Variants in SPAG17 observed in about 807,000 individuals in gnomAD.
The protein encoded by SPAG17 is sperm associated antigen 17.
Under a neutral mutation model 273.6 loss-of-function variants are expected in SPAG17, and 169 were observed. The ratio of observed to expected loss-of-function variants is 0.62; its 90% CI spans 0.55 to 0.70. The LOEUF is 0.70. Among genes scored for constraint, SPAG17 ranks in the 30% least tolerant of loss-of-function variants. The pLI, the probability that SPAG17 is intolerant of heterozygous loss-of-function variation, is 0.00. For missense variants in SPAG17, 2,557 were observed against 2,627.8 expected (o/e 0.97, Z 0.59); for synonymous variants, 825 against 873.2 (o/e 0.94, Z 0.97).
chr1:118,045,768 C>G (rs750360226), intron 20 of SPAG17, among the ~76,000 whole-genome samples: 1 of 152,136 alleles, frequency 6.6e-6, no homozygotes, highest in Non-Finnish European at 1.5e-5. Context: ...GTGAGTTAAT[C>G]TACGAGGTCT....
chr1:118,111,000 A>G (rs1175114931), intron 4 of SPAG17, among the ~76,000 whole-genome samples: 1 of 152,216 alleles, frequency 6.6e-6, no homozygotes, highest in Non-Finnish European at 1.5e-5. Context: ...CAAACTCAGA[A>G]TAATACTCTG....
At chr1:118,063,928 T>C (rs1288092818) in intron 18 of SPAG17, among the ~76,000 whole-genome samples, 2 of 152,132 alleles carry the variant, frequency 1.3e-5, no homozygotes, top group East Asian at 3.9e-4. Context: ...GGGCGAAGGA[T>C]ATGAACAGAC....
At chr1:117,968,409 G>T (rs1320838688) in intron 46 of SPAG17, among the ~76,000 whole-genome samples, 3 of 152,146 alleles carry the variant, frequency 2.0e-5, no homozygotes, top group Non-Finnish European at 4.4e-5. Flanking sequence ...AGAAGGGCTT[G>T]TTTTGATTTT....
intron 25 of SPAG17, among the ~76,000 whole-genome samples, chr1:118,029,215 CAG>C (rs1283361871): frequency 1.3e-5 from 2 of 152,074 alleles, no homozygotes; most frequent in Non-Finnish European, 2.9e-5. Flanking sequence ...GCCTGAGTGA[CAG>C]AGCAAGAAGT....
At chr1:117,984,274 C>T (rs531911934) in intron 41 of SPAG17, among the ~76,000 whole-genome samples, 253 of 152,240 alleles carry the variant, frequency 1.7e-3, no homozygotes, top group African/African-American at 5.9e-3. Context: ...CCTGAGCTTC[C>T]AAGAACTCAC....
At chr1:118,062,685 A>T (rs966088711) in intron 18 of SPAG17, among the ~76,000 whole-genome samples, 2 of 152,130 alleles carry the variant, frequency 1.3e-5, no homozygotes, top group Admixed American at 6.5e-5. Context: ...TGGTTTTTTT[A>T]AAAATGTTTT....
rs376469108 is a variant in SPAG17, at chr1:118,101,748, C to T, written c.626G>A (p.Arg209His). The change falls in exon 5 of 49, where the codon CGT becomes CAT. Residue 209 changes from arginine (R) to histidine (H), a missense_variant. Physicochemically the swap from Arg to His is conservative, Grantham distance 29. Transcript: ENST00000336338. ...AGCAGCACCTTACTGACCAATGTAA[C>T]GATTGGTGTGGTCGTCTTCTCCTCT... Reference protein sequence around the residue: ...KRRGEDDHTNRYIDDEPDDGA... With the variant: ...KRRGEDDHTNHYIDDEPDDGA... 2.6e-5 allele frequency: 42 copies of T among 1,612,658 alleles called. No homozygotes were observed. The highest frequency in any genetic ancestry group is 1.1e-4 in the East Asian group (5 of 44,860).
rs1657207703 is a variant in SPAG17, at chr1:117,992,486, T to C, written c.5341A>G (p.Arg1781Gly). ...ATTACCTTAAGGGAAACCTGCAGCC[T>C]CAGTTTCACCTCATTCTTTATGACC... Reference protein sequence around the residue: ...HEVIKNEVKLRLQVSLKDYIN... With the variant: ...HEVIKNEVKLGLQVSLKDYIN... Residue 1781 changes from arginine to glycine, a missense_variant, in exon 36 of 49, where the codon AGG becomes GGG. By Grantham distance (125) the Arg-to-Gly change is moderately radical (BLOSUM62 -2). Coordinates refer to ENST00000336338, the MANE Select transcript of SPAG17 (RefSeq NM_206996.4). 6.2e-7 allele frequency: 1 copy of C among 1,610,460 alleles called. No homozygotes were observed.
In SPAG17 at chr1:118,008,077, T is replaced by A; in HGVS notation, c.4554A>T (p.Thr1518=). The A allele has an allele frequency of 6.2e-7, 1 of 1,614,068 alleles. No individual in the cohort carries two copies. The highest frequency in any genetic ancestry group is 1.1e-5 in the South Asian group (1 of 91,078). ...SSCCATFGDG[T]TIIAKPQGTY... The stretch of plus-strand genomic sequence containing the variant: ...TTCCCTGTGGCTTTGCAATAATAGT[T>A]GTTCCATCTCCAAAGGTGGCACAGC... Residue 1518 remains threonine (T), a synonymous_variant, in exon 31 of 49, where the codon ACA becomes ACT. Transcript: ENST00000336338.
rs150596428 is a variant in SPAG17 at position 118,091,674 on chromosome 1, A to C, written c.1291T>G (p.Tyr431Asp). Residue 431 changes from tyrosine (Y) to aspartate (D), a missense_variant, in exon 10 of 49, where the codon TAT becomes GAT. By Grantham distance (160) the Tyr-to-Asp change is radical. Coordinates refer to ENST00000336338, the MANE Select transcript of SPAG17 (RefSeq NM_206996.4). ...TTEVDMRYYN[Y>D]LLNPIREEFI... Reference sequence around the variant, plus strand: ...TCCTCTCGAATTGGATTCAGCAAATAATTGTAATATCTCATGTCTACTTCA... The same window carrying C: ...TCCTCTCGAATTGGATTCAGCAAATCATTGTAATATCTCATGTCTACTTCA... The C allele has an allele frequency of 4.0e-4, 644 of 1,612,536 alleles. No individual in the cohort carries two copies. In the African/African-American group the frequency reaches 7.5e-3, roughly 19 times the overall value.
At chr1:117,972,070 T>A (rs1557850782) in intron 44 of SPAG17, 23 bp from the exon 45 acceptor site, 4 of 1,572,964 alleles carry the variant, frequency 2.5e-6, no homozygotes, top group Non-Finnish European at 3.4e-6. Flanking sequence ...AAAAAATTAA[T>A]AAAATGGTTC....
chr1:118,025,560 T>G lies in SPAG17; in HGVS notation c.3731-144A>C, dbSNP rs576503701. 16 of 645,838 alleles carry G rather than the reference T, an allele frequency of 2.5e-5. No individual in the cohort carries two copies. In the African/African-American group the frequency reaches 2.8e-4, roughly 11 times the overall value. The allele number at this position is 645,838 out of a possible 1,614,324, so 40.0% of individuals were successfully genotyped here. A position where few individuals can be genotyped will look rare whatever the true frequency, so the allele number is the denominator to read the frequency against. ...TCTCGCTTTGTCATCCAGGCTGGAG[T>G]GCAATGGTGCAATCATAGCTCACTG... On this transcript the variant is annotated intron_variant, in intron 26 of 48. Coordinates refer to ENST00000336338, the MANE Select transcript of SPAG17 (RefSeq NM_206996.4).
intron 37 of SPAG17, 144 bp downstream of exon 37, chr1:117,991,271 A>C: frequency 2.0e-6 from 1 of 512,052 alleles, no homozygotes. Context: ...AGACAAATGG[A>C]TTTCCACAAA....
chr1:118,012,473 T>G, intron 29 of SPAG17, 101 bp from the exon 30 acceptor site: 1 of 1,341,442 alleles, frequency 7.5e-7, no homozygotes, highest in Non-Finnish European at 1.0e-6. Flanking sequence ...ATCAAAGTCC[T>G]AGTTATTTAT....
rs375409864 is a variant in SPAG17 at position 117,971,474 on chromosome 1, A to C, written c.6326+389T>G. Among the ~76,000 whole-genome samples the C allele has an allele frequency of 2.7e-4, 41 of 152,350 alleles. No individual in the cohort carries two copies. The East Asian group carries it at 3.7e-3, about 14-fold the overall frequency. ...GCACCTTTCAGATCATAATGTGCAA[A>C]CAAACATCAGCTAGTATTATTATAG... On this transcript the variant is annotated intron_variant, in intron 45 of 48. Transcript: ENST00000336338.
intron 20 of SPAG17, among the ~76,000 whole-genome samples, chr1:118,043,315 G>A (rs559099755): frequency 1.3e-5 from 2 of 152,056 alleles, no homozygotes; most frequent in African/African-American, 2.4e-5. Flanking sequence ...TCAAAAACAG[G>A]AAATAACATT....
chr1:118,183,740 C>T (rs1311633925), intron 1 of SPAG17, among the ~76,000 whole-genome samples: 1 of 152,156 alleles, frequency 6.6e-6, no homozygotes, highest in Non-Finnish European at 1.5e-5. Context: ...GCACCTCCAT[C>T]AAACTCCGTT....
intron 12 of SPAG17, 124 bp downstream of exon 12, chr1:118,086,547 T>C: frequency 1.2e-6 from 1 of 823,672 alleles, no homozygotes; most frequent in Non-Finnish European, 1.9e-6. Flanking sequence ...TATGCAAGTA[T>C]CTATTTTGTA....
chr1:118,127,922 G>A (rs888981701), intron 3 of SPAG17, among the ~76,000 whole-genome samples: 22 of 152,160 alleles, frequency 1.4e-4, no homozygotes, highest in South Asian at 2.1e-4. Context: ...AAGAGACTGC[G>A]ACAATCCTGG....
Sources: gnomAD v4.1 joint callset for allele counts (sites outside exome capture counted in the v4.1 genomes callset) on GRCh38, gnomAD v4.1.1 for gene constraint, MANE v1.5 for transcripts, NCBI Gene and HGNC (gene_info 2026-07-23, HGNC 2026-07-21) for gene names.